PHACTR2: variants seen among roughly 807,000 people sequenced by gnomAD.
PHACTR2 encodes chromosome 6 open reading frame 56.
PHACTR2 carries 30 observed loss-of-function variants against 76.0 expected under a neutral mutation model. That is an observed-to-expected ratio of 0.39 (90% CI 0.30 to 0.54). PHACTR2 has a LOEUF of 0.54. Ranked by LOEUF, PHACTR2 falls within the 20% of genes least tolerant of loss-of-function variation. The pLI is 0.61. For synonymous variants in PHACTR2, 292 were observed against 292.5 expected (o/e 1.00, Z 0.02); for missense variants, 696 against 781.1 (o/e 0.89, Z 1.30).
chr6:143,622,755 A>C (rs1776179227), intron 1 of PHACTR2, among the ~76,000 whole-genome samples: 1 of 152,230 alleles, frequency 6.6e-6, no homozygotes, highest in Non-Finnish European at 1.5e-5. Flanking sequence ...GTTTGACATT[A>C]AACCAAATTT....
At chr6:143,813,859 G>A (rs1776239366) in intron 12 of PHACTR2, among the ~76,000 whole-genome samples, 1 of 152,088 alleles carries the variant, frequency 6.6e-6, no homozygotes, top group African/African-American at 2.4e-5. Flanking sequence ...AACAACCTGG[G>A]TGTTAGGGGC....
Position 143,828,738 on chromosome 6 carries a change from G to C in PHACTR2, c.*5049G>C, listed in dbSNP as rs575757086. ...GTGTTTCTCAGTGGGGGTACTCTTGGCATTTGGAGCTGGATAGGTCTTTGC... is the reference window on the plus strand; with the variant it reads ...GTGTTTCTCAGTGGGGGTACTCTTGCCATTTGGAGCTGGATAGGTCTTTGC... On this transcript the variant is annotated 3_prime_UTR_variant, in exon 13 of 13. Coordinates refer to ENST00000440869, the MANE Select transcript of PHACTR2 (RefSeq NM_001100164.2). The surrounding 1 kb of genome is among the most constrained non-coding windows in gnomAD (Gnocchi z 4.7). 2 of 152,308 alleles carry C rather than the reference G, an allele frequency of 1.3e-5. No homozygotes were observed. Among genetic ancestry groups the C allele is most frequent in the South Asian group, 4.1e-4 (2 of 4,822 alleles). 9.4% of individuals were successfully genotyped at this position (152,308 alleles called of 1,614,324 possible). A position where few individuals can be genotyped will look rare whatever the true frequency, so the allele number is the denominator to read the frequency against.
At chr6:143,572,136 T>C (rs190668838) in intron 1 of PHACTR2, among the ~76,000 whole-genome samples, 1 of 152,378 alleles carries the variant, frequency 6.6e-6, no homozygotes. Flanking sequence ...CAATATCTTT[T>C]AGACTTTTTG....
Position 143,809,146 on chromosome 6 carries a change from C to A in PHACTR2, c.1922+2013C>A. On this transcript the variant is annotated intron_variant, in intron 12 of 12. Coordinates refer to ENST00000440869, the MANE Select transcript of PHACTR2 (RefSeq NM_001100164.2). This position sits in a 1 kb window ranked among gnomAD's most constrained non-coding sequence, Gnocchi z 4.2. ...AAGTTGGAGTATCTGATAGCCTTAT[C>A]TTCATTTGATAGCATGATATAAAGA... 6.6e-6 allele frequency among the ~76,000 whole-genome samples: 1 copy of A among 152,150 alleles called. No individual in the cohort carries two copies. Among genetic ancestry groups the A allele is most frequent in the East Asian group, 1.9e-4 (1 of 5,202 alleles).
At chr6:143,796,008 G>A (rs1053145332) in intron 11 of PHACTR2, among the ~76,000 whole-genome samples, 1 of 152,124 alleles carries the variant, frequency 6.6e-6, no homozygotes, top group Non-Finnish European at 1.5e-5. Context: ...TGTCCAACAG[G>A]TCACTCAGTA....
rs1048722425 is a variant in PHACTR2 at position 143,765,596 on chromosome 6, C to T, written c.1030C>T (p.Pro344Ser). Reference sequence around the variant, plus strand: ...CCCTCCACCCCCTGTGGCTCCAGCACCTTCTCCTCTGGCCCCCCCTCTCCC... The same window carrying T: ...CCCTCCACCCCCTGTGGCTCCAGCATCTTCTCCTCTGGCCCCCCCTCTCCC... ...MVPPPPVAPA[P>S]SPLAPPLPLE... The change falls in exon 6 of 13, where the codon CCT (proline) becomes TCT (serine). Residue 344 changes from proline (P) to serine (S), a missense_variant. Pro to Ser is a moderately conservative substitution (Grantham distance 74, BLOSUM62 -1). This residue lies in a region of PHACTR2 where 460 missense variants were observed against 450.9 expected (regional missense o/e 1.02). Transcript: ENST00000440869. The surrounding 1 kb of genome is among the most constrained non-coding windows in gnomAD (Gnocchi z 4.1). The T allele has an allele frequency of 1.1e-5, 17 of 1,614,092 alleles. No individual in the cohort carries two copies. Among genetic ancestry groups the T allele is most frequent in the Non-Finnish European group, 1.4e-5 (16 of 1,179,962 alleles).
intron 6 of PHACTR2, among the ~76,000 whole-genome samples, chr6:143,768,652 A>G (rs140305577): frequency 1.5e-3 from 233 of 152,330 alleles, no homozygotes; most frequent in Middle Eastern, 6.8e-3. Flanking sequence ...AGGGCTTAAT[A>G]TCAGTCTTCA....
chr6:143,614,631 A>G (rs1257151437), intron 1 of PHACTR2, among the ~76,000 whole-genome samples: 1 of 152,212 alleles, frequency 6.6e-6, no homozygotes, highest in East Asian at 1.9e-4. Flanking sequence ...GCACATGTAC[A>G]TGAATATGTA....
chr6:143,550,495 G>A lies in PHACTR2; in HGVS notation c.217+13288G>A, dbSNP rs559018939. ...ATATTATCTATATAGTAAATAATGG[G>A]CGGAGGGTGTCATGCTTTTTCATGA... On this transcript the variant is annotated intron_variant, in intron 1 of 11. Transcript: ENST00000367584. This position sits in a 1 kb window ranked among gnomAD's most constrained non-coding sequence, Gnocchi z 4.8. Among the ~76,000 whole-genome samples the A allele has an allele frequency of 4.6e-5, 7 of 152,096 alleles. No individual in the cohort carries two copies. The East Asian group carries it at 1.2e-3, about 25-fold the overall frequency.
chr6:143,645,092 T>G (rs1306931135), intron 1 of PHACTR2, among the ~76,000 whole-genome samples: 1 of 151,270 alleles, frequency 6.6e-6, no homozygotes, highest in African/African-American at 2.4e-5. Context: ...AGTGTGGAGA[T>G]TCCTTAAAGA....
intron 1 of PHACTR2, among the ~76,000 whole-genome samples, chr6:143,645,112 A>G (rs1776636326): frequency 6.6e-6 from 1 of 152,106 alleles, no homozygotes; most frequent in Middle Eastern, 3.2e-3. Flanking sequence ...AACTAAAAGT[A>G]GATCTACTAT....
At chr6:143,766,479 G>A (rs1779566310) in intron 6 of PHACTR2, among the ~76,000 whole-genome samples, 1 of 152,192 alleles carries the variant, frequency 6.6e-6, no homozygotes, top group Non-Finnish European at 1.5e-5. Context: ...AATAAAAAAG[G>A]GATTTAAGAT....
intron 11 of PHACTR2, among the ~76,000 whole-genome samples, chr6:143,798,451 G>A (rs1224299203): frequency 2.6e-5 from 4 of 152,232 alleles, no homozygotes. Flanking sequence ...TAGGAGTGGT[G>A]AGAGAGGTCA....
intron 1 of PHACTR2, among the ~76,000 whole-genome samples, chr6:143,577,587 G>A (rs1775529291): frequency 6.6e-6 from 1 of 152,212 alleles, no homozygotes; most frequent in Admixed American, 6.5e-5. Context: ...GGAATTACAA[G>A]CTAGAAGAGG....
At position 143,599,032 on chromosome 6, in the gene PHACTR2, G is replaced by T. The variant is rs988785662; in HGVS notation, c.217+61825G>T. Among the ~76,000 whole-genome samples the T allele has an allele frequency of 6.6e-6, 1 of 152,200 alleles. No homozygotes were observed. Among genetic ancestry groups the T allele is most frequent in the Non-Finnish European group, 1.5e-5 (1 of 68,036 alleles). On this transcript the variant is annotated intron_variant, in intron 1 of 11. Coordinates refer to the PHACTR2 transcript ENST00000367584. This position sits in a 1 kb window ranked among gnomAD's most constrained non-coding sequence, Gnocchi z 4.6. ...GCAGTGGGAGGAGTCAGAGAGGTCA[G>T]TCCCCAGTTAAATCAGTCAGGCATT...
At chr6:143,759,328 C>G (rs750460776) in intron 4 of PHACTR2, among the ~76,000 whole-genome samples, 2 of 152,126 alleles carry the variant, frequency 1.3e-5, no homozygotes, top group Non-Finnish European at 2.9e-5. Flanking sequence ...TTCTTCGATT[C>G]GGCACCATCT....
In PHACTR2 at chr6:143,731,056, G is replaced by A. The variant is rs1429427153; in HGVS notation, c.215-17929G>A. Among the ~76,000 whole-genome samples, 2 of 151,864 alleles carry A rather than the reference G, an allele frequency of 1.3e-5. No individual in the cohort carries two copies. The highest frequency in any genetic ancestry group is 4.8e-5 in the African/African-American group (2 of 41,338). On this transcript the variant is annotated intron_variant, in intron 2 of 12. Transcript: ENST00000440869. This position sits in a 1 kb window ranked among gnomAD's most constrained non-coding sequence, Gnocchi z 4.9. ...AGCCACCACGTCCAGCCCAGTTGAA[G>A]GTTTTTATACATGCCCTTTATTAGG...
At position 143,610,482 on chromosome 6, in the gene PHACTR2, CCTT is replaced by C. The variant is rs1775958692; in HGVS notation, c.13+2166_13+2168del. On this transcript the variant is annotated intron_variant, in intron 1 of 11. Transcript: ENST00000305766. The surrounding 1 kb of genome is among the most constrained non-coding windows in gnomAD (Gnocchi z 4.9). Reference sequence around the variant, plus strand: ...GGATCATTAGTTTCAAGGAGCCAGACCTTCTTCTAGCAAGGCTTTCTGTGTGGG... The same window carrying C: ...GGATCATTAGTTTCAAGGAGCCAGACCTTCTAGCAAGGCTTTCTGTGTGGG... Among the ~76,000 whole-genome samples, 5 of 152,312 alleles carry C rather than the reference CCTT, an allele frequency of 3.3e-5. No homozygotes were observed. In the Middle Eastern group the frequency reaches 0.014, roughly 414 times the overall value.
intron 1 of PHACTR2, among the ~76,000 whole-genome samples, chr6:143,685,058 T>G (rs1244188736): frequency 6.6e-6 from 1 of 152,154 alleles, no homozygotes; most frequent in Non-Finnish European, 1.5e-5. Flanking sequence ...ATTTTTTTCT[T>G]GTACCTTAAG....
Sources: allele counts gnomAD v4.1 joint callset (sites outside exome capture counted in the v4.1 genomes callset), GRCh38; gene constraint gnomAD v4.1.1; regional missense constraint gnomAD v4.1.1; non-coding constraint Gnocchi (gnomAD v3.1); transcripts MANE v1.5; gene names NCBI Gene and HGNC (gene_info 2026-07-23, HGNC 2026-07-21).